Variants in KLHDC2 observed in about 807,000 individuals in gnomAD.
KLHDC2 encodes the protein kelch domain containing 2.
In KLHDC2, 38 loss-of-function variants were observed where a neutral mutation model predicts 62.3. That is an observed-to-expected ratio of 0.61 (90% CI 0.47 to 0.80). KLHDC2 has a LOEUF of 0.80. Among genes scored for constraint, KLHDC2 ranks in the 30% least tolerant of loss-of-function variants. The pLI, the probability that KLHDC2 is intolerant of heterozygous loss-of-function variation, is 0.00. For synonymous variants in KLHDC2, 159 were observed against 161.0 expected (o/e 0.99, Z 0.09); for missense variants, 430 against 495.3 (o/e 0.87, Z 1.25).
At position 49,768,342 on chromosome 14, in the gene KLHDC2, C is replaced by T. The variant is rs1889586598; in HGVS notation, c.-127C>T. ...GCGAGCGCAGGCGGCAGAGAGGCCTCAACGCCGTCCCTTTCGCCACCGCCT... is the reference window on the plus strand; with the variant it reads ...GCGAGCGCAGGCGGCAGAGAGGCCTTAACGCCGTCCCTTTCGCCACCGCCT... On this transcript the variant is annotated 5_prime_UTR_variant, in exon 1 of 13. Coordinates refer to ENST00000298307, the MANE Select transcript of KLHDC2 (RefSeq NM_014315.3). 1.8e-6 allele frequency: 2 copies of T among 1,104,082 alleles called. No homozygotes were observed. The highest frequency in any genetic ancestry group is 1.6e-5 in the African/African-American group (1 of 60,914). The allele number at this position is 1,104,082 out of a possible 1,614,324, so 68.4% of individuals were successfully genotyped here.
intron 10 of KLHDC2, 32 bp from the exon 11 acceptor site, chr14:49,782,338 T>G: frequency 6.7e-7 from 1 of 1,490,556 alleles, no homozygotes; most frequent in Non-Finnish European, 9.3e-7. Flanking sequence ...GTGTTCTGGG[T>G]GGCTTCAAAC....
chr14:49,777,954 A>C lies in KLHDC2; in HGVS notation c.467A>C (p.Lys156Thr). Residue 156 changes from lysine (K) to threonine (T), a missense_variant and splice_region_variant, in exon 4 of 13, where the codon AAG (lysine) becomes ACG (threonine). Lys to Thr is a moderately conservative substitution (Grantham distance 78, BLOSUM62 -1). Transcript: ENST00000298307. ...CTTGGTGTCTGGGTATATAAAAACA[A>C]GTAAGTTGGCAGCACTACAGGTTTG... Reference protein sequence around the residue: ...DKLGVWVYKNKLIFFGGYGYL... With the variant: ...DKLGVWVYKNTLIFFGGYGYL... The C allele has an allele frequency of 1.3e-6, 2 of 1,572,588 alleles. No individual in the cohort carries two copies. Among genetic ancestry groups the C allele is most frequent in the Non-Finnish European group, 1.7e-6 (2 of 1,146,474 alleles).
intron 2 of KLHDC2, among the ~76,000 whole-genome samples, chr14:49,773,569 ACT>A (rs1491452387): frequency 3.3e-5 from 4 of 122,906 alleles, no homozygotes; most frequent in Non-Finnish European, 6.6e-5. Context: ...AAAAATAATA[ACT>A]TTTTTTTTTT....
intron 10 of KLHDC2, 138 bp downstream of exon 10, chr14:49,780,913 C>G: frequency 1.6e-6 from 1 of 625,098 alleles, no homozygotes; most frequent in Non-Finnish European, 2.9e-6. Context: ...GAAAAGAAAA[C>G]CAATGTTATC....
At chr14:49,770,574 A>G (rs999427549) in intron 1 of KLHDC2, among the ~76,000 whole-genome samples, 44 of 152,242 alleles carry the variant, frequency 2.9e-4, no homozygotes, top group Admixed American at 8.5e-4. Flanking sequence ...AAGGCTGGGA[A>G]TGTCAGGCAG....
intron 3 of KLHDC2, among the ~76,000 whole-genome samples, chr14:49,775,708 T>C (rs1889758753): frequency 7.1e-6 from 1 of 141,542 alleles, no homozygotes; most frequent in South Asian, 2.4e-4. Context: ...CTTACTGCAA[T>C]CTCCGCCTCC....
intron 6 of KLHDC2, among the ~76,000 whole-genome samples, chr14:49,779,280 C>T (rs1889837818): frequency 6.6e-6 from 1 of 152,084 alleles, no homozygotes; most frequent in Non-Finnish European, 1.5e-5. Flanking sequence ...ATTTCTTTTC[C>T]CTCTGACACA....
intron 8 of KLHDC2, 24 bp from the exon 9 acceptor site, chr14:49,780,189 T>C (rs1269567156): frequency 4.3e-6 from 6 of 1,380,110 alleles, no homozygotes; most frequent in African/African-American, 2.9e-5. Context: ...AATGCAGATA[T>C]TGTAACTTAG....
At chr14:49,774,834 G>T (rs560528737) in intron 3 of KLHDC2, 156 bp downstream of exon 3, 2 of 681,768 alleles carry the variant, frequency 2.9e-6, no homozygotes, top group Admixed American at 4.8e-5. Flanking sequence ...AGTATTTTGT[G>T]TGCCAATCTG....
intron 6 of KLHDC2, 24 bp downstream of exon 6, chr14:49,778,518 T>TTG: frequency 8.5e-7 from 1 of 1,174,100 alleles, no homozygotes; most frequent in Non-Finnish European, 1.3e-6. Flanking sequence ...GAATAATGAA[T>TTG]TGTTAAGGAT....
chr14:49,781,717 TG>T (rs942370090), intron 10 of KLHDC2, among the ~76,000 whole-genome samples: 5 of 150,174 alleles, frequency 3.3e-5, no homozygotes, highest in African/African-American at 1.2e-4. Flanking sequence ...AAAAAATACA[TG>T]GGGAAAAAAC....
rs1890071258 is a variant in KLHDC2 at position 49,784,620 on chromosome 14, T to C, written c.*1667T>C. On this transcript the variant is annotated 3_prime_UTR_variant, in exon 13 of 13. Transcript: ENST00000298307. The stretch of plus-strand genomic sequence containing the variant: ...TAAAATTGGCTCTTCTCAAATATTT[T>C]AGAATTTCATTTCAGCTATTTCCTT... The C allele has an allele frequency of 3.2e-6, 5 of 1,582,502 alleles. No individual in the cohort carries two copies. Among genetic ancestry groups the C allele is most frequent in the Non-Finnish European group, 4.3e-6 (5 of 1,156,394 alleles).
chr14:49,779,635 C>T lies in KLHDC2; in HGVS notation c.674C>T (p.Thr225Ile), dbSNP rs766932538. Reference sequence around the variant, plus strand: ...CCTCGTGCTGCCCATGCCTGTGCAACTGTCGGAAATAGAGGCTTCGTGTTT... The same window carrying T: ...CCTCGTGCTGCCCATGCCTGTGCAATTGTCGGAAATAGAGGCTTCGTGTTT... ...PSPRAAHACA[T>I]VGNRGFVFGG... The change falls in exon 7 of 13, where the codon ACT becomes ATT. Residue 225 changes from threonine (T) to isoleucine (I), a missense_variant. Physicochemically the swap from Thr to Ile is moderately conservative, Grantham distance 89. Transcript: ENST00000298307. 7 of 1,614,186 alleles carry T rather than the reference C, an allele frequency of 4.3e-6. No homozygotes were observed. In the East Asian group the frequency reaches 1.3e-4, roughly 31 times the overall value.
rs766619620 is a variant in KLHDC2 at position 49,768,407 on chromosome 14, C to T, written c.-62C>T. 2.6e-6 allele frequency: 4 copies of T among 1,560,302 alleles called. No homozygotes were observed. Among genetic ancestry groups the T allele is most frequent in the Non-Finnish European group, 3.5e-6 (4 of 1,150,826 alleles). ...GCCGCTGTGCATTTCTCTCCTTTTC[C>T]TTTGTTTTTTTGGCCCCTCGCGGGT... is the stretch of plus-strand genomic sequence containing the variant. On this transcript the variant is annotated 5_prime_UTR_variant, in exon 1 of 13. Coordinates refer to ENST00000298307, the MANE Select transcript of KLHDC2 (RefSeq NM_014315.3).
rs5808514 is a variant in KLHDC2, at chr14:49,785,889, CA to C, written c.*2952del. 16 of 124,092 alleles carry C rather than the reference CA, an allele frequency of 1.3e-4. No homozygotes were observed. Among genetic ancestry groups the C allele is most frequent in the Non-Finnish European group, 1.8e-4 (11 of 61,112 alleles). 7.7% of individuals were successfully genotyped at this position (124,092 alleles called of 1,614,324 possible). A position where few individuals can be genotyped will look rare whatever the true frequency, so the allele number is the denominator to read the frequency against. On this transcript the variant is annotated 3_prime_UTR_variant, in exon 13 of 13. Transcript: ENST00000298307. The stretch of plus-strand genomic sequence containing the variant: ...AGCCTGGGTGACAGAGACCCTGTCT[CA>C]AAAAAAAAAAAAAAAGGAAAAAAAC...
At chr14:49,776,203 T>C (rs1475446412) in intron 3 of KLHDC2, among the ~76,000 whole-genome samples, 3 of 152,212 alleles carry the variant, frequency 2.0e-5, no homozygotes, top group Non-Finnish European at 4.4e-5. Context: ...TAGGCTATCA[T>C]TGAGCCATAT....
intron 3 of KLHDC2, 153 bp downstream of exon 3, chr14:49,774,831 T>G (rs1889738332): frequency 1.4e-6 from 1 of 692,118 alleles, no homozygotes; most frequent in South Asian, 1.7e-5. Context: ...TTTAGTATTT[T>G]GTGTGCCAAT....
At position 49,783,069 on chromosome 14, in the gene KLHDC2, AATGTGC is replaced by A; in HGVS notation, c.*122_*127del. Reference sequence around the variant, plus strand: ...GTTGTAGTTTGCACCTGTTGGTTTTAATGTGCATGTGAATGGCCTAGAGAACCTATT... The same window carrying A: ...GTTGTAGTTTGCACCTGTTGGTTTTAATGTGAATGGCCTAGAGAACCTATT... On this transcript the variant is annotated 3_prime_UTR_variant, in exon 13 of 13. Transcript: ENST00000298307. 6.4e-6 allele frequency: 7 copies of A among 1,088,728 alleles called. No individual in the cohort carries two copies. The highest frequency in any genetic ancestry group is 9.1e-6 in the Non-Finnish European group (7 of 771,818). 67.4% of individuals were successfully genotyped at this position (1,088,728 alleles called of 1,614,324 possible). A position where few individuals can be genotyped will look rare whatever the true frequency, so the allele number is the denominator to read the frequency against.
Position 49,784,780 on chromosome 14 carries a change from A to C in KLHDC2, c.*1827A>C. 2.0e-6 allele frequency: 3 copies of C among 1,487,056 alleles called. No homozygotes were observed. The highest frequency in any genetic ancestry group is 2.8e-6 in the Non-Finnish European group (3 of 1,076,426). The allele number at this position is 1,487,056 out of a possible 1,614,324, so 92.1% of individuals were successfully genotyped here. On this transcript the variant is annotated 3_prime_UTR_variant, in exon 13 of 13. Transcript: ENST00000298307. ...GTCAATCATGTTTCTTTTATGACAA[A>C]AACGAAAAACATTTCCAAACTTTTA...
Sources: allele counts gnomAD v4.1 joint callset (sites outside exome capture counted in the v4.1 genomes callset), GRCh38; gene constraint gnomAD v4.1.1; transcripts MANE v1.5; gene names NCBI Gene and HGNC (gene_info 2026-07-23, HGNC 2026-07-21).